The following CFAP53 variants were observed in gnomAD, a reference collection of about 807,000 sequenced individuals.
The protein encoded by CFAP53 is cilia- and flagella-associated protein 53.
Under a neutral mutation model 59.7 loss-of-function variants are expected in CFAP53, and 62 were observed. The observed-to-expected ratio is 1.04, with a 90% CI of 0.85 to 1.28. CFAP53 has a LOEUF of 1.28. CFAP53 is among the 50% of genes most tolerant of loss of function. The pLI, the probability that CFAP53 is intolerant of heterozygous loss-of-function variation, is 0.00. For missense variants in CFAP53, 629 were observed against 615.6 expected, an observed-to-expected ratio of 1.02 and a Z score of -0.23; for synonymous variants, 218 against 205.7, an observed-to-expected ratio of 1.06 and a Z score of -0.51.
intron 6 of CFAP53, among the ~76,000 whole-genome samples, chr18:50,241,217 A>C (rs1790422): frequency 0.11 from 17,084 of 152,226 alleles, 1,165 homozygotes; most frequent in African/African-American, 0.19. Flanking sequence ...CCCTTTATGA[A>C]AGAAATACCT....
At chr18:50,234,900 C>G (rs1057183774) in intron 7 of CFAP53, among the ~76,000 whole-genome samples, 6 of 152,202 alleles carry the variant, frequency 3.9e-5, no homozygotes, top group African/African-American at 1.4e-4. Context: ...TGCAGGTATA[C>G]CCATGCTTGA....
At chr18:50,243,694 G>A (rs551384573) in intron 5 of CFAP53, among the ~76,000 whole-genome samples, 2 of 152,260 alleles carry the variant, frequency 1.3e-5, no homozygotes, top group East Asian at 1.9e-4. Flanking sequence ...GCTCAAGCCT[G>A]TAATCCCAGC....
chr18:50,242,676 G>A (rs1017269325), intron 6 of CFAP53, among the ~76,000 whole-genome samples: 1 of 152,266 alleles, frequency 6.6e-6, no homozygotes, highest in African/African-American at 2.4e-5. Flanking sequence ...ATGATGTACT[G>A]TTCCTTTAAC....
intron 6 of CFAP53, among the ~76,000 whole-genome samples, chr18:50,239,195 C>A (rs2033665264): frequency 6.6e-6 from 1 of 151,572 alleles, no homozygotes; most frequent in Non-Finnish European, 1.5e-5. Flanking sequence ...CGAGACCAGC[C>A]CGGCCAACAT....
intron 5 of CFAP53, among the ~76,000 whole-genome samples, chr18:50,245,517 C>T (rs2033736175): frequency 6.6e-6 from 1 of 151,682 alleles, no homozygotes; most frequent in East Asian, 1.9e-4. Context: ...ATTTTATTTC[C>T]AAATAGAAAT....
At chr18:50,260,902 C>T (rs567686706) in intron 3 of CFAP53, among the ~76,000 whole-genome samples, 162 bp downstream of exon 3, 2 of 152,306 alleles carry the variant, frequency 1.3e-5, no homozygotes, top group South Asian at 2.1e-4. Flanking sequence ...AGTTCTCAAG[C>T]ACACACTGTA....
At chr18:50,234,599 T>C (rs1443024637) in intron 7 of CFAP53, among the ~76,000 whole-genome samples, 1 of 152,180 alleles carries the variant, frequency 6.6e-6, no homozygotes, top group Admixed American at 6.5e-5. Flanking sequence ...GGGCTCTTCT[T>C]TTTGTGTGGA....
chr18:50,245,206 C>A (rs1414049411), intron 5 of CFAP53, among the ~76,000 whole-genome samples: 1 of 150,874 alleles, frequency 6.6e-6, no homozygotes, highest in Non-Finnish European at 1.5e-5. Flanking sequence ...CAAGGTGAAA[C>A]CCCGCCTCTA....
At chr18:50,237,899 T>C (rs894531931) in intron 7 of CFAP53, among the ~76,000 whole-genome samples, 3 of 150,116 alleles carry the variant, frequency 2.0e-5, no homozygotes, top group African/African-American at 7.4e-5. Context: ...ATCCTGTCCC[T>C]ATAAGCCATT....
chr18:50,256,210 T>A (rs538026587), intron 3 of CFAP53: 19 of 152,318 alleles, frequency 1.2e-4, no homozygotes, highest in African/African-American at 4.3e-4. Flanking sequence ...TATGTTAAGA[T>A]AAATTTACTA....
intron 5 of CFAP53, among the ~76,000 whole-genome samples, chr18:50,246,246 T>C (rs2033743110): frequency 6.6e-6 from 1 of 152,210 alleles, no homozygotes; most frequent in Non-Finnish European, 1.5e-5. Flanking sequence ...TCAAGACATA[T>C]AGATTTGTTA....
chr18:50,239,246 G>A (rs72923620), intron 6 of CFAP53, among the ~76,000 whole-genome samples: 7,757 of 151,792 alleles, frequency 0.051, 294 homozygotes, highest in South Asian at 0.15. Flanking sequence ...AAATTAGCTG[G>A]GCATGGTGGT....
chr18:50,240,363 C>A (rs943707333), intron 6 of CFAP53, among the ~76,000 whole-genome samples: 1 of 152,228 alleles, frequency 6.6e-6, no homozygotes, highest in African/African-American at 2.4e-5. Flanking sequence ...TCATTCTCTA[C>A]CCTGACTCAT....
intron 3 of CFAP53, among the ~76,000 whole-genome samples, chr18:50,258,034 C>G (rs2033860644): frequency 6.6e-6 from 1 of 151,884 alleles, no homozygotes; most frequent in Admixed American, 6.6e-5. Context: ...CCAGGCTGGA[C>G]AACTGAGTGA....
At chr18:50,246,277 T>C (rs1001545411) in intron 5 of CFAP53, among the ~76,000 whole-genome samples, 32 of 152,348 alleles carry the variant, frequency 2.1e-4, no homozygotes, top group African/African-American at 7.7e-4. Flanking sequence ...AGGATAGAGA[T>C]ATAGATTGAT....
At chr18:50,261,322 TC>T in intron 2 of CFAP53, 85 bp from the exon 3 acceptor site, 2 of 1,327,684 alleles carry the variant, frequency 1.5e-6, no homozygotes, top group Non-Finnish European at 2.0e-6. Context: ...GAACTATAGG[TC>T]TAATTTGTAA....
intron 2 of CFAP53, among the ~76,000 whole-genome samples, chr18:50,261,525 TG>T (rs1254398282): frequency 6.6e-6 from 1 of 151,910 alleles, no homozygotes; most frequent in Non-Finnish European, 1.5e-5. Flanking sequence ...CTTGAACAGC[TG>T]GGACTACAGG....
At chr18:50,254,753 G>A (rs1159444866) in intron 3 of CFAP53, among the ~76,000 whole-genome samples, 2 of 152,106 alleles carry the variant, frequency 1.3e-5, no homozygotes, top group Admixed American at 1.3e-4. Flanking sequence ...AGCCGGGCTT[G>A]GTTGGTGCAT....
At chr18:50,228,145 G>C (rs1664147957) in intron 7 of CFAP53, among the ~76,000 whole-genome samples, 1 of 151,752 alleles carries the variant, frequency 6.6e-6, no homozygotes. Flanking sequence ...TTTTAGTAGA[G>C]ATGAGGTTTC....
Sources: gnomAD v4.1 joint callset for allele counts (sites outside exome capture counted in the v4.1 genomes callset) on GRCh38, gnomAD v4.1.1 for gene constraint, MANE v1.5 for transcripts, NCBI Gene and HGNC (gene_info 2026-07-23, HGNC 2026-07-21) for gene names.